The following CTNNA3 variants were observed in gnomAD, a reference collection of about 807,000 sequenced individuals.
CTNNA3 encodes catenin alpha 3, also known as catenin alpha-3.
Under a neutral mutation model 95.7 loss-of-function variants are expected in CTNNA3, and 76 were observed. The observed-to-expected ratio is 0.79, with a 90% confidence interval of 0.66 to 0.96. CTNNA3 has a LOEUF of 0.96. Ranked by LOEUF, CTNNA3 falls within the 40% of genes least tolerant of loss-of-function variation. The probability of loss-of-function intolerance (pLI) is 0.00; values close to 1 mark genes in which losing one functional copy is unlikely to be tolerated. For missense variants in CTNNA3, 1,191 were observed against 1,089.8 expected (o/e 1.09, Z -1.31); for synonymous variants, 431 against 374.4 (o/e 1.15, Z -1.74).
chr10:67,025,330 CAAA>C (rs200578879), intron 7 of CTNNA3, among the ~76,000 whole-genome samples: 1 of 138,454 alleles, frequency 7.2e-6, no homozygotes, highest in Admixed American at 7.2e-5. Flanking sequence ...TAAGCCCATG[CAAA>C]AAAAAAAACT....
Position 66,280,278 on chromosome 10 carries a change from C to T in CTNNA3, c.1884+192G>A, listed in dbSNP as rs559182367. Among the ~76,000 whole-genome samples, 57 of 152,074 alleles carry T rather than the reference C, an allele frequency of 3.7e-4. 1 individual carries two copies. Among genetic ancestry groups the T allele is most frequent in the African/African-American group, 1.4e-3 (57 of 41,508 alleles). On this transcript the variant is annotated intron_variant, in intron 13 of 17. Transcript: ENST00000433211. ...ATGCACTCATTTGTGTAAGTTATAA[C>T]CAAATACATAAGTAAAAGTGTTGTT...
chr10:66,235,425 T>C (rs1017414320), intron 13 of CTNNA3, among the ~76,000 whole-genome samples: 2 of 151,222 alleles, frequency 1.3e-5, no homozygotes, highest in South Asian at 2.1e-4. Context: ...TACCAACTTA[T>C]GGATTTATAA....
At chr10:66,087,521 A>G (rs909408240) in intron 14 of CTNNA3, among the ~76,000 whole-genome samples, 1 of 152,128 alleles carries the variant, frequency 6.6e-6, no homozygotes, top group Non-Finnish European at 1.5e-5. Flanking sequence ...TGTCAACAGT[A>G]CACGGTAGAG....
intron 12 of CTNNA3, among the ~76,000 whole-genome samples, chr10:66,357,337 T>C (rs2092618771): frequency 6.6e-6 from 1 of 152,110 alleles, no homozygotes; most frequent in Admixed American, 6.6e-5. Flanking sequence ...TTGACAGCTT[T>C]AAGATATAAT....
At position 67,561,344 on chromosome 10, in the gene CTNNA3, C is replaced by G. The variant is rs1253147914; in HGVS notation, c.293-21675G>C. Among the ~76,000 whole-genome samples, 3 of 109,918 alleles carry G rather than the reference C, an allele frequency of 2.7e-5. No homozygotes were observed. In the East Asian group the frequency reaches 8.1e-4, roughly 30 times the overall value. 72.1% of individuals were successfully genotyped at this position (109,918 alleles called of 152,430 possible). A position where few individuals can be genotyped will look rare whatever the true frequency, so the allele number is the denominator to read the frequency against. On this transcript the variant is annotated intron_variant, in intron 3 of 17. Transcript: ENST00000433211. ...TCAGGATCAAGACACTCACTCAAAA[C>G]TGCTCAGCTACATGGAAACTGAACA...
intron 2 of CTNNA3, among the ~76,000 whole-genome samples, chr10:67,630,508 T>C (rs1839108436): frequency 6.6e-6 from 1 of 152,206 alleles, no homozygotes; most frequent in Non-Finnish European, 1.5e-5. Flanking sequence ...AAATAAATTT[T>C]ATTAAGCCTC....
intron 10 of CTNNA3, among the ~76,000 whole-genome samples, chr10:66,587,663 A>T (rs914459505): frequency 3.3e-5 from 5 of 152,136 alleles, no homozygotes; most frequent in African/African-American, 1.2e-4. Flanking sequence ...TCCGCATGGG[A>T]TGCAGGGGTT....
rs545590735 is a variant in CTNNA3 at position 66,549,230 on chromosome 10, G to GT, written c.1375-28458dup. Among the ~76,000 whole-genome samples the GT allele has an allele frequency of 1.1e-3, 170 of 151,882 alleles. 1 individual carries two copies. The highest frequency in any genetic ancestry group is 3.9e-3 in the African/African-American group (163 of 41,444). ...AGGATGCTCTCCATCTCCTGACCTCGTGATCTGCCCGCCTCTGTCTCCACC... is the reference window on the plus strand; with the variant it reads ...AGGATGCTCTCCATCTCCTGACCTCGTTGATCTGCCCGCCTCTGTCTCCACC... On this transcript the variant is annotated intron_variant, in intron 10 of 17. Coordinates refer to ENST00000433211, the MANE Select transcript of CTNNA3 (RefSeq NM_013266.4).
At chr10:66,402,308 C>T (rs2093027378) in intron 11 of CTNNA3, among the ~76,000 whole-genome samples, 1 of 152,108 alleles carries the variant, frequency 6.6e-6, no homozygotes, top group Non-Finnish European at 1.5e-5. Context: ...CTGTTCAACC[C>T]TCTTTACCTG....
intron 9 of CTNNA3, among the ~76,000 whole-genome samples, chr10:66,630,432 T>G (rs1564580013): frequency 6.6e-6 from 1 of 152,162 alleles, no homozygotes; most frequent in Non-Finnish European, 1.5e-5. Context: ...TTTCAAGTTT[T>G]ACCTTCACTT....
At chr10:67,718,476 G>A (rs544371327) in intron 1 of CTNNA3, among the ~76,000 whole-genome samples, 5 of 152,228 alleles carry the variant, frequency 3.3e-5, no homozygotes, top group Admixed American at 1.3e-4. Context: ...TTTGAGATAC[G>A]TTCCATCAAT....
At chr10:66,791,996 A>AT (rs1182121780) in intron 7 of CTNNA3, among the ~76,000 whole-genome samples, 2 of 152,194 alleles carry the variant, frequency 1.3e-5, no homozygotes, top group African/African-American at 4.8e-5. Context: ...CTATAGAACT[A>AT]TTTTGTAAAA....
chr10:67,637,085 G>A (rs1034711551), intron 2 of CTNNA3, among the ~76,000 whole-genome samples: 33 of 152,182 alleles, frequency 2.2e-4, no homozygotes, highest in African/African-American at 7.7e-4. Context: ...GAGGAAGTTC[G>A]AACCCATGGC....
intron 3 of CTNNA3, among the ~76,000 whole-genome samples, chr10:67,573,165 T>C (rs1325448823): frequency 3.3e-5 from 5 of 152,154 alleles, no homozygotes; most frequent in Admixed American, 6.5e-5. Flanking sequence ...GTGATTATCA[T>C]GACATCATTA....
chr10:66,297,569 T>G (rs2132217493), intron 12 of CTNNA3, among the ~76,000 whole-genome samples: 1 of 152,304 alleles, frequency 6.6e-6, no homozygotes, highest in African/African-American at 2.4e-5. Context: ...GTGTCCTCTA[T>G]CCTACATTTA....
intron 4 of CTNNA3, among the ~76,000 whole-genome samples, chr10:67,522,955 C>G (rs931315170): frequency 1.1e-4 from 16 of 152,070 alleles, no homozygotes; most frequent in African/African-American, 3.9e-4. Context: ...TTAAACACAC[C>G]AGAACTCCAC....
chr10:67,306,409 T>G (rs1564552259), intron 5 of CTNNA3, among the ~76,000 whole-genome samples: 1 of 152,150 alleles, frequency 6.6e-6, no homozygotes, highest in Non-Finnish European at 1.5e-5. Flanking sequence ...TTATGCAAGT[T>G]GCAAGATAGG....
In CTNNA3 at chr10:67,094,469, G is replaced by A. The variant is rs190963614; in HGVS notation, c.1047+85848C>T. On this transcript the variant is annotated intron_variant, in intron 7 of 17. Transcript: ENST00000433211. ...TAAATTATTATTTATAGTAATTGGG[G>A]GAACAGTGTATAATTAAAAAGAAAA... is the stretch of plus-strand genomic sequence containing the variant. 7.3e-5 allele frequency among the ~76,000 whole-genome samples: 11 copies of A among 151,580 alleles called. No homozygotes were observed. The East Asian group carries it at 1.4e-3, about 19-fold the overall frequency.
intron 17 of CTNNA3, among the ~76,000 whole-genome samples, chr10:65,922,297 T>C (rs2077099844): frequency 6.6e-6 from 1 of 152,210 alleles, no homozygotes; most frequent in African/African-American, 2.4e-5. Context: ...ATTTTTGTAA[T>C]GCATGTTGCT....
Sources: gnomAD v4.1 joint callset for allele counts (sites outside exome capture counted in the v4.1 genomes callset) on GRCh38, gnomAD v4.1.1 for gene constraint, MANE v1.5 for transcripts, NCBI Gene and HGNC (gene_info 2026-07-23, HGNC 2026-07-21) for gene names.